The following ATP2B1 variants were observed in gnomAD, a reference collection of about 807,000 sequenced individuals.
ATP2B1 encodes the protein plasma membrane calcium-transporting ATPase 1.
A neutral mutation model predicts 124.2 loss-of-function variants in ATP2B1; 14 were observed. The observed-to-expected ratio is 0.11, with a 90% CI of 0.07 to 0.18. The LOEUF (loss-of-function observed/expected upper bound fraction) is 0.18, where lower values mean the gene tolerates loss of function less well. Among genes scored for constraint, ATP2B1 ranks in the 10% least tolerant of loss-of-function variants. The probability of loss-of-function intolerance (pLI) is 1.00; values close to 1 mark genes in which losing one functional copy is unlikely to be tolerated. For missense variants in ATP2B1, 763 were observed against 1,466.1 expected (o/e 0.52, Z 7.83); for synonymous variants, 449 against 492.4 (o/e 0.91, Z 1.17).
chr12:89,673,868 A>G (rs1177897877), intron 1 of ATP2B1, among the ~76,000 whole-genome samples: 4 of 152,216 alleles, frequency 2.6e-5, no homozygotes, highest in Non-Finnish European at 5.9e-5. Context: ...CATTCCCTCC[A>G]AAATATAATC....
chr12:89,596,052 CAT>C (rs1179184085), intron 20 of ATP2B1, among the ~76,000 whole-genome samples: 1 of 151,948 alleles, frequency 6.6e-6, no homozygotes, highest in Non-Finnish European at 1.5e-5. Flanking sequence ...GAGGTGTGTG[CAT>C]ATATGTGTCT....
At chr12:89,692,496 C>CA (rs1353252455) in intron 1 of ATP2B1, among the ~76,000 whole-genome samples, 1 of 152,114 alleles carries the variant, frequency 6.6e-6, no homozygotes, top group Non-Finnish European at 1.5e-5. Flanking sequence ...AGGCTCTGGC[C>CA]ACTCATGACC....
In ATP2B1 at chr12:89,591,096, T is replaced by C. The variant is rs1873467671; in HGVS notation, c.3551A>G (p.Asn1184Ser). 6.2e-7 allele frequency: 1 copy of C among 1,612,994 alleles called. No homozygotes were observed. The highest frequency in any genetic ancestry group is 1.3e-5 in the African/African-American group (1 of 74,828). ...KRNSSPPPSPNKNNNAVDSGI... is the reference protein window; with the variant it reads ...KRNSSPPPSPSKNNNAVDSGI... Reference sequence around the variant, plus strand: ...ACTGTCAACAGCATTGTTATTTTTGTTGGGAGAGGGTGGAGGACTGGAGTT... The same window carrying C: ...ACTGTCAACAGCATTGTTATTTTTGCTGGGAGAGGGTGGAGGACTGGAGTT... Residue 1184 changes from asparagine to serine, a missense_variant, in exon 21 of 21, where the codon AAC becomes AGC. Asn to Ser is a conservative substitution (Grantham distance 46, BLOSUM62 1). Transcript: ENST00000428670.
At chr12:89,653,952 C>A (rs1429639717) in intron 2 of ATP2B1, among the ~76,000 whole-genome samples, 1 of 152,140 alleles carries the variant, frequency 6.6e-6, no homozygotes, top group Non-Finnish European at 1.5e-5. Flanking sequence ...AGATTTGAAA[C>A]TAAAGTTCAA....
At chr12:89,701,917 A>G (rs1228487903) in intron 1 of ATP2B1, among the ~76,000 whole-genome samples, 1 of 152,038 alleles carries the variant, frequency 6.6e-6, no homozygotes, top group Non-Finnish European at 1.5e-5. Flanking sequence ...GGACCACCAG[A>G]CTCTAAGACC....
At chr12:89,605,349 G>A (rs1233712909) in intron 15 of ATP2B1, among the ~76,000 whole-genome samples, 2 of 152,168 alleles carry the variant, frequency 1.3e-5, no homozygotes, top group Non-Finnish European at 2.9e-5. Flanking sequence ...GAGGTGATAT[G>A]ATGAAGGCTC....
At chr12:89,643,499 T>C (rs1469835983) in intron 2 of ATP2B1, among the ~76,000 whole-genome samples, 2 of 152,176 alleles carry the variant, frequency 1.3e-5, no homozygotes, top group Non-Finnish European at 2.9e-5. Flanking sequence ...TGCTATTGAA[T>C]GTACCTATTG....
At chr12:89,592,365 T>A (rs928813867) in intron 20 of ATP2B1, among the ~76,000 whole-genome samples, 1 of 152,070 alleles carries the variant, frequency 6.6e-6, no homozygotes, top group Admixed American at 6.6e-5. Context: ...AAATAACACT[T>A]TGACATTCTA....
intron 8 of ATP2B1, 91 bp from the exon 9 acceptor site, chr12:89,624,488 T>C: frequency 9.6e-7 from 1 of 1,044,720 alleles, no homozygotes; most frequent in Non-Finnish European, 1.4e-6. Context: ...TAAAGAGTTA[T>C]AACTTGCTTG....
intron 12 of ATP2B1, among the ~76,000 whole-genome samples, chr12:89,615,431 T>C (rs1878789591): frequency 6.6e-6 from 1 of 152,158 alleles, no homozygotes; most frequent in Admixed American, 6.6e-5. Flanking sequence ...ATTTTTCACT[T>C]GACATGGTGT....
chr12:89,629,162 A>G (rs1360405533), intron 6 of ATP2B1, among the ~76,000 whole-genome samples: 2 of 152,172 alleles, frequency 1.3e-5, no homozygotes, highest in South Asian at 2.1e-4. Flanking sequence ...TCAGCGTTCA[A>G]TGACTTTCAA....
At chr12:89,705,111 T>C (rs892054230) in intron 1 of ATP2B1, among the ~76,000 whole-genome samples, 1 of 152,092 alleles carries the variant, frequency 6.6e-6, no homozygotes, top group African/African-American at 2.4e-5. Context: ...TAATAAAAAA[T>C]TTTAACAAGA....
intron 12 of ATP2B1, 131 bp downstream of exon 12, chr12:89,616,671 T>C: frequency 2.6e-6 from 2 of 768,056 alleles, no homozygotes; most frequent in Non-Finnish European, 4.2e-6. Context: ...ATTTCATTTA[T>C]CTTGGGTTCA....
chr12:89,655,612 T>G (rs1328916254), intron 2 of ATP2B1, 67 bp downstream of exon 2: 22 of 1,446,108 alleles, frequency 1.5e-5, no homozygotes, highest in Non-Finnish European at 2.1e-5. Flanking sequence ...ATAAGCATGC[T>G]CATTTATAAG....
intron 20 of ATP2B1, among the ~76,000 whole-genome samples, chr12:89,597,128 G>A (rs1874772765): frequency 6.6e-6 from 1 of 152,050 alleles, no homozygotes; most frequent in Non-Finnish European, 1.5e-5. Context: ...ACACATGGTA[G>A]GCCTTCCATA....
At chr12:89,681,018 A>T (rs1216837527) in intron 1 of ATP2B1, among the ~76,000 whole-genome samples, 2 of 152,210 alleles carry the variant, frequency 1.3e-5, no homozygotes, top group Non-Finnish European at 2.9e-5. Context: ...ACATTGGAGC[A>T]TTCCTAAGGA....
chr12:89,653,080 G>A lies in ATP2B1; in HGVS notation c.208+2599C>T, dbSNP rs1194484669. 7.2e-5 allele frequency among the ~76,000 whole-genome samples: 11 copies of A among 152,152 alleles called. No homozygotes were observed. In the East Asian group the frequency reaches 1.5e-3, roughly 21 times the overall value. ...ATAAGTATAATGCTTAAAATGGCTT[G>A]CTTCACATTCTTTTTAAAATATTTC... On this transcript the variant is annotated intron_variant, in intron 2 of 20. Coordinates refer to ENST00000428670, the MANE Select transcript of ATP2B1 (RefSeq NM_001366521.1).
intron 1 of ATP2B1, among the ~76,000 whole-genome samples, chr12:89,703,848 G>T (rs1892144902): frequency 6.6e-6 from 1 of 152,066 alleles, no homozygotes; most frequent in South Asian, 2.1e-4. Context: ...CTTTAACTTA[G>T]TTATAAATGC....
At chr12:89,612,875 A>C (rs1256472100) in intron 12 of ATP2B1, among the ~76,000 whole-genome samples, 1 of 152,222 alleles carries the variant, frequency 6.6e-6, no homozygotes, top group African/African-American at 2.4e-5. Flanking sequence ...TCATTTAACA[A>C]ATAAGCACCA....
Sources: gnomAD v4.1 joint callset for allele counts (sites outside exome capture counted in the v4.1 genomes callset) on GRCh38, gnomAD v4.1.1 for gene constraint, MANE v1.5 for transcripts, NCBI Gene and HGNC (gene_info 2026-07-23, HGNC 2026-07-21) for gene names.